Variants in ARSB observed in about 807,000 individuals in gnomAD.
ARSB encodes the protein N-acetylgalactosamine-4-sulfatase.
In ARSB, 41 loss-of-function variants were observed where a neutral mutation model predicts 50.9. The observed-to-expected ratio is 0.81, with a 90% CI of 0.63 to 1.04. The LOEUF (loss-of-function observed/expected upper bound fraction) is 1.04, where lower values mean the gene tolerates loss of function less well. Ranked by LOEUF, ARSB falls within the 50% of genes least tolerant of loss-of-function variation. The probability of loss-of-function intolerance (pLI) is 0.00; values close to 1 mark genes in which losing one functional copy is unlikely to be tolerated. For synonymous variants in ARSB, 269 were observed against 284.8 expected (o/e 0.94, Z 0.56); for missense variants, 672 against 693.3 (o/e 0.97, Z 0.35).
At chr5:78,830,543 G>T (rs1399157397) in intron 6 of ARSB, among the ~76,000 whole-genome samples, 1 of 152,180 alleles carries the variant, frequency 6.6e-6, no homozygotes, top group Non-Finnish European at 1.5e-5. Context: ...TTTGGTTTGT[G>T]TATTTTCTCG....
intron 5 of ARSB, among the ~76,000 whole-genome samples, chr5:78,849,136 T>C (rs1166213504): frequency 6.6e-6 from 1 of 152,182 alleles, no homozygotes; most frequent in Non-Finnish European, 1.5e-5. Flanking sequence ...ATGAAGTCCT[T>C]GCCCATGCCT....
intron 5 of ARSB, among the ~76,000 whole-genome samples, chr5:78,859,397 C>T (rs145157663): frequency 6.6e-6 from 1 of 152,132 alleles, no homozygotes; most frequent in Non-Finnish European, 1.5e-5. Flanking sequence ...TTTTCCTATT[C>T]ATTACTAAAA....
intron 4 of ARSB, among the ~76,000 whole-genome samples, chr5:78,926,235 G>A (rs992973491): frequency 2.0e-5 from 3 of 152,156 alleles, no homozygotes; most frequent in Non-Finnish European, 4.4e-5. Context: ...AGGAAGAAAG[G>A]ATAGCACATC....
intron 5 of ARSB, among the ~76,000 whole-genome samples, chr5:78,864,553 T>C (rs1042358492): frequency 2.0e-5 from 3 of 152,064 alleles, no homozygotes. Context: ...CCAAACCATA[T>C]CATTCCACCC....
intron 4 of ARSB, among the ~76,000 whole-genome samples, chr5:78,944,286 T>G: frequency 6.6e-6 from 1 of 152,248 alleles, no homozygotes; most frequent in Middle Eastern, 3.2e-3. Flanking sequence ...CTCATCAAAC[T>G]CATTCTCCAT....
chr5:78,956,122 C>G (rs1303689818), intron 3 of ARSB, among the ~76,000 whole-genome samples: 7 of 152,224 alleles, frequency 4.6e-5, no homozygotes, highest in Admixed American at 3.9e-4. Flanking sequence ...AGAAACAACC[C>G]AAACATCTAT....
chr5:78,968,913 A>G (rs577253295), intron 2 of ARSB, 93 bp downstream of exon 2: 2 of 1,392,664 alleles, frequency 1.4e-6, no homozygotes, highest in East Asian at 4.6e-5. Flanking sequence ...GTGTTCAAAT[A>G]TCCAGTTCTT....
intron 4 of ARSB, among the ~76,000 whole-genome samples, chr5:78,904,593 C>T (rs1424906465): frequency 6.6e-6 from 1 of 151,590 alleles, no homozygotes; most frequent in African/African-American, 2.4e-5. Context: ...AATGCTAGAC[C>T]TTTTGATATT....
intron 4 of ARSB, among the ~76,000 whole-genome samples, chr5:78,950,404 A>G (rs569077989): frequency 4.6e-4 from 70 of 152,312 alleles, no homozygotes; most frequent in Middle Eastern, 3.4e-3. Context: ...AGAGGCAGGA[A>G]GACAGCCTGA....
intron 5 of ARSB, chr5:78,885,365 A>T: frequency 1.5e-6 from 1 of 680,348 alleles, no homozygotes; most frequent in East Asian, 2.9e-5. Context: ...GGCTGAGGAC[A>T]ATCTTGTTCT....
chr5:78,852,995 G>A (rs985015489), intron 5 of ARSB, among the ~76,000 whole-genome samples: 1 of 152,098 alleles, frequency 6.6e-6, no homozygotes, highest in Admixed American at 6.5e-5. Flanking sequence ...CTTTGCCTTT[G>A]GTTTGAATTT....
chr5:78,961,261 T>C (rs899567233), intron 3 of ARSB, among the ~76,000 whole-genome samples: 5 of 152,160 alleles, frequency 3.3e-5, no homozygotes, highest in African/African-American at 1.2e-4. Flanking sequence ...AACTGGTGAG[T>C]TGCATCATTT....
intron 6 of ARSB, among the ~76,000 whole-genome samples, chr5:78,790,402 A>G (rs988314038): frequency 1.3e-5 from 2 of 152,154 alleles, no homozygotes; most frequent in Non-Finnish European, 2.9e-5. Context: ...CAGCATATAG[A>G]AAGTGCGCAG....
chr5:78,910,036 C>T (rs1749237273), intron 4 of ARSB, among the ~76,000 whole-genome samples: 1 of 152,208 alleles, frequency 6.6e-6, no homozygotes, highest in South Asian at 2.1e-4. Context: ...TAAATGTGGC[C>T]TACATGCACA....
intron 6 of ARSB, among the ~76,000 whole-genome samples, chr5:78,810,486 A>G (rs1743766790): frequency 6.6e-6 from 1 of 152,244 alleles, no homozygotes; most frequent in East Asian, 1.9e-4. Context: ...CATTTCAGAA[A>G]GCAGACCAGA....
intron 1 of ARSB, among the ~76,000 whole-genome samples, chr5:78,982,979 C>A (rs1752976913): frequency 6.6e-6 from 1 of 152,164 alleles, no homozygotes. Context: ...AAAGTTTGTT[C>A]TCCAAGACAT....
chr5:78,867,134 AG>A (rs1324494105), intron 5 of ARSB, among the ~76,000 whole-genome samples: 1 of 152,198 alleles, frequency 6.6e-6, no homozygotes, highest in African/African-American at 2.4e-5. Flanking sequence ...GCGTACCACG[AG>A]ACTATATCCC....
At chr5:78,786,332 T>C (rs1014875168) in intron 6 of ARSB, among the ~76,000 whole-genome samples, 3 of 152,254 alleles carry the variant, frequency 2.0e-5, no homozygotes, top group East Asian at 1.9e-4. Flanking sequence ...CAGTACTTCA[T>C]TCTTTTTAAA....
chr5:78,940,101 T>C (rs1394587820), intron 4 of ARSB, among the ~76,000 whole-genome samples: 1 of 152,258 alleles, frequency 6.6e-6, no homozygotes, highest in African/African-American at 2.4e-5. Flanking sequence ...TGTCTGTTCA[T>C]ATCCTTCGCC....
Sources: gnomAD v4.1 joint callset for allele counts (sites outside exome capture counted in the v4.1 genomes callset) on GRCh38, gnomAD v4.1.1 for gene constraint, MANE v1.5 for transcripts, NCBI Gene and HGNC (gene_info 2026-07-23, HGNC 2026-07-21) for gene names.